The following CDC14B variants were observed in gnomAD, a reference collection of about 807,000 sequenced individuals.
The protein encoded by CDC14B is dual specificity protein phosphatase CDC14B.
Under a neutral mutation model 64.2 loss-of-function variants are expected in CDC14B, and 22 were observed. The ratio of observed to expected loss-of-function variants is 0.34; its 90% confidence interval spans 0.24 to 0.49. CDC14B has a LOEUF of 0.49. Among genes scored for constraint, CDC14B ranks in the 20% least tolerant of loss-of-function variants. The pLI, the probability that CDC14B is intolerant of heterozygous loss-of-function variation, is 0.99. For missense variants in CDC14B, 498 were observed against 629.9 expected, an observed-to-expected ratio of 0.79 and a Z score of 2.24; for synonymous variants, 191 against 215.8, an observed-to-expected ratio of 0.89 and a Z score of 1.01.
In CDC14B at chr9:96,559,525, A is replaced by G. The variant is rs1842891961; in HGVS notation, c.420+3168T>C. ...GGATTTAACGTATTTTAACCAGATC[A>G]AAGCTTCACTTGCTTTGATGTGTTA... On this transcript the variant is annotated intron_variant, in intron 4 of 13. Coordinates refer to ENST00000375241, the MANE Select transcript of CDC14B (RefSeq NM_033331.4). Among the ~76,000 whole-genome samples, 3 of 152,234 alleles carry G rather than the reference A, an allele frequency of 2.0e-5. No individual in the cohort carries two copies. In the South Asian group the frequency reaches 6.2e-4, roughly 31 times the overall value.
intron 1 of CDC14B, chr9:96,566,672 G>A: frequency 8.2e-7 from 1 of 1,214,248 alleles, no homozygotes. Context: ...GGGCGGCCGG[G>A]GCCCAGACTA....
chr9:96,493,817 T>TTCA (rs1412167377), intron 13 of CDC14B, among the ~76,000 whole-genome samples: 4 of 152,072 alleles, frequency 2.6e-5, no homozygotes, highest in Non-Finnish European at 4.4e-5. Flanking sequence ...AGAGAAAAAC[T>TTCA]TCATCTCTTA....
chr9:96,607,065 C>A, intron 1 of CDC14B, among the ~76,000 whole-genome samples: 1 of 151,078 alleles, frequency 6.6e-6, no homozygotes, highest in East Asian at 1.9e-4. Context: ...ATAAGAATTC[C>A]TAATCCAGAG....
rs187021571 is a variant in CDC14B, at chr9:96,601,621, C to T, written c.160+17598G>A. Among the ~76,000 whole-genome samples the T allele has an allele frequency of 2.0e-3, 301 of 151,120 alleles. 4 individuals carry two copies. The highest frequency in any genetic ancestry group is 3.4e-4 in the Non-Finnish European group (23 of 67,822). ...ACCAGCCTGGGCAACATGGTGAAAC[C>T]CCATCTACTAAAACTACAAAAATTA... On this transcript the variant is annotated intron_variant, in intron 1 of 13. Coordinates refer to ENST00000375241, the MANE Select transcript of CDC14B (RefSeq NM_033331.4).
At chr9:96,597,100 A>G (rs1226293160) in intron 1 of CDC14B, among the ~76,000 whole-genome samples, 1 of 152,190 alleles carries the variant, frequency 6.6e-6, no homozygotes. Flanking sequence ...TTCAAAGCCA[A>G]CAAGAGAAAA....
At chr9:96,571,047 C>T in intron 1 of CDC14B, among the ~76,000 whole-genome samples, 1 of 151,952 alleles carries the variant, frequency 6.6e-6, no homozygotes. Flanking sequence ...CAAAGAAGGC[C>T]TTATCCAATA....
chr9:96,515,683 G>A lies in CDC14B; in HGVS notation c.1344-5894C>T. On this transcript the variant is annotated intron_variant, in intron 12 of 13. Transcript: ENST00000375241. The surrounding 1 kb of genome is among the most constrained non-coding windows in gnomAD (Gnocchi z 4.3). ...CTGTCAGGGGGTCCTGATGGCTACT[G>A]TGTTCTGAAACCATCGAGACAGAAT... 2 of 1,596,640 alleles carry A rather than the reference G, an allele frequency of 1.3e-6. No homozygotes were observed. The highest frequency in any genetic ancestry group is 1.7e-6 in the Non-Finnish European group (2 of 1,171,916).
intron 12 of CDC14B, chr9:96,514,739 C>T: frequency 1.0e-6 from 1 of 985,464 alleles, no homozygotes; most frequent in Non-Finnish European, 1.2e-6. Context: ...AAGAACGCAG[C>T]TCAGACACAG....
intron 9 of CDC14B, among the ~76,000 whole-genome samples, chr9:96,530,476 C>T (rs1838293544): frequency 7.3e-6 from 1 of 136,898 alleles, no homozygotes; most frequent in South Asian, 2.3e-4. Context: ...GGCGGGGTTT[C>T]ACCGTGTTGC....
At chr9:96,546,109 G>GT (rs1464511791) in intron 5 of CDC14B, among the ~76,000 whole-genome samples, 2 of 152,170 alleles carry the variant, frequency 1.3e-5, no homozygotes. Context: ...GGCAGCTTTC[G>GT]TAACAGCTCG....
Position 96,564,950 on chromosome 9 carries a change from A to T in CDC14B, c.252-98T>A, listed in dbSNP as rs150535890. 6.6e-3 allele frequency: 4,736 copies of T among 722,420 alleles called. 20 individuals are homozygous for T. Among genetic ancestry groups the T allele is most frequent in the Non-Finnish European group, 7.9e-3 (3,470 of 438,766 alleles). 44.8% of individuals were successfully genotyped at this position (722,420 alleles called of 1,614,324 possible). The stretch of plus-strand genomic sequence containing the variant: ...CAAGATCAAATTAAGATAAGCAAGC[A>T]TATACCAAATTGTTATGGGCCAATA... On this transcript the variant is annotated intron_variant, in intron 2 of 13. Coordinates refer to ENST00000375241, the MANE Select transcript of CDC14B (RefSeq NM_033331.4).
chr9:96,581,873 A>G (rs886202726), intron 1 of CDC14B, among the ~76,000 whole-genome samples: 5 of 152,226 alleles, frequency 3.3e-5, no homozygotes, highest in African/African-American at 1.2e-4. Context: ...GGTTAAATAC[A>G]GCATTGGTAG....
intron 1 of CDC14B, among the ~76,000 whole-genome samples, chr9:96,588,270 T>C (rs1845570855): frequency 6.6e-6 from 1 of 152,094 alleles, no homozygotes; most frequent in African/African-American, 2.4e-5. Context: ...TAAGCCGGCT[T>C]TTACAACAAC....
intron 9 of CDC14B, among the ~76,000 whole-genome samples, chr9:96,531,100 C>CTA (rs1838406417): frequency 6.6e-6 from 1 of 152,104 alleles, no homozygotes; most frequent in Non-Finnish European, 1.5e-5. Flanking sequence ...GGATACTGGC[C>CTA]TATAGTTAGT....
At chr9:96,605,726 G>T (rs1019412120) in intron 1 of CDC14B, among the ~76,000 whole-genome samples, 5 of 152,238 alleles carry the variant, frequency 3.3e-5, no homozygotes, top group African/African-American at 1.2e-4. Flanking sequence ...CCAGGGGCAG[G>T]GGCTCATGCC....
At chr9:96,552,791 C>T (rs1841997618) in intron 4 of CDC14B, among the ~76,000 whole-genome samples, 3 of 151,942 alleles carry the variant, frequency 2.0e-5, no homozygotes, top group South Asian at 4.2e-4. Flanking sequence ...AACTAATGTA[C>T]GGAAGGTTGG....
intron 12 of CDC14B, among the ~76,000 whole-genome samples, chr9:96,512,794 C>T (rs1463425175): frequency 3.3e-5 from 5 of 152,044 alleles, no homozygotes; most frequent in Admixed American, 6.5e-5. Context: ...TGTTCTCATC[C>T]GCTCCCCTCG....
intron 9 of CDC14B, among the ~76,000 whole-genome samples, chr9:96,533,449 T>C (rs1415699669): frequency 1.3e-5 from 2 of 152,262 alleles, no homozygotes; most frequent in Non-Finnish European, 2.9e-5. Context: ...TTTTCCAATA[T>C]TGGATTTTTG....
chr9:96,498,709 T>C (rs1245250249), downstream of CDC14B, among the ~76,000 whole-genome samples: 1 of 152,246 alleles, frequency 6.6e-6, no homozygotes, highest in African/African-American at 2.4e-5. Flanking sequence ...AAGTAGCGAA[T>C]TGAAAGATAT....
Sources: gnomAD v4.1 joint callset for allele counts (sites outside exome capture counted in the v4.1 genomes callset) on GRCh38, gnomAD v4.1.1 for gene constraint, Gnocchi (gnomAD v3.1) non-coding constraint, MANE v1.5 for transcripts, NCBI Gene and HGNC (gene_info 2026-07-23, HGNC 2026-07-21) for gene names.